The following CNTN6 variants were observed in gnomAD, a reference collection of about 807,000 sequenced individuals.
CNTN6 encodes contactin-6.
Under a neutral mutation model 122.8 loss-of-function variants are expected in CNTN6, and 137 were observed. The ratio of observed to expected loss-of-function variants is 1.12; its 90% CI spans 0.97 to 1.29. CNTN6 has a LOEUF of 1.29. Among genes scored for constraint, CNTN6 ranks in the 50% most tolerant of loss-of-function variants. The pLI is 0.00. For missense variants in CNTN6, 1,634 were observed against 1,223.4 expected, an observed-to-expected ratio of 1.34 and a Z score of -5.01; for synonymous variants, 570 against 426.0, an observed-to-expected ratio of 1.34 and a Z score of -4.16.
chr3:1,387,132 C>G (rs370363077), intron 20 of CNTN6, among the ~76,000 whole-genome samples: 1 of 151,176 alleles, frequency 6.6e-6, no homozygotes, highest in Admixed American at 6.6e-5. Flanking sequence ...GAAATTATCT[C>G]TGTCCTCACT....
chr3:1,271,870 T>G (rs1354459062), intron 4 of CNTN6, among the ~76,000 whole-genome samples: 1 of 152,120 alleles, frequency 6.6e-6, no homozygotes, highest in African/African-American at 2.4e-5. Flanking sequence ...AGAGCAGTGT[T>G]TTAGTGTGAA....
At chr3:1,162,458 G>A (rs2093158391) in intron 2 of CNTN6, among the ~76,000 whole-genome samples, 1 of 152,168 alleles carries the variant, frequency 6.6e-6, no homozygotes, top group Admixed American at 6.5e-5. Context: ...CAATCACAGA[G>A]GGAGAAGTGT....
At position 1,383,295 on chromosome 3, in the gene CNTN6, C is replaced by A. The variant is rs1356838398; in HGVS notation, c.2404C>A (p.Pro802Thr). 1.9e-6 allele frequency: 3 copies of A among 1,613,284 alleles called. No individual in the cohort carries two copies. The highest frequency in any genetic ancestry group is 2.2e-5 in the East Asian group (1 of 44,872). The change falls in exon 19 of 23, where the codon CCT becomes ACT. Residue 802 changes from proline (P) to threonine (T), a missense_variant and splice_region_variant. Physicochemically the swap from Pro to Thr is conservative, Grantham distance 38. Transcript: ENST00000446702. ...VTIVYSGEDE[P>T]QLAPRGTSLQ... ...TTATGTCTTTCTCTGGATGGTAGAA[C>A]CTCAACTGGCCCCAAGGGGAACTTC...
intron 5 of CNTN6, among the ~76,000 whole-genome samples, chr3:1,285,257 A>G (rs993651688): frequency 6.6e-6 from 1 of 152,216 alleles, no homozygotes; most frequent in Non-Finnish European, 1.5e-5. Flanking sequence ...AGAAGGAGAA[A>G]AGTAAAAGAT....
intron 19 of CNTN6, among the ~76,000 whole-genome samples, chr3:1,383,658 C>G (rs1020422828): frequency 2.7e-5 from 4 of 148,872 alleles, no homozygotes; most frequent in Non-Finnish European, 6.0e-5. Context: ...AAAACAAAAA[C>G]AAAAACAAAA....
intron 5 of CNTN6, among the ~76,000 whole-genome samples, chr3:1,290,992 T>G (rs1695226355): frequency 6.6e-6 from 1 of 152,172 alleles, no homozygotes; most frequent in African/African-American, 2.4e-5. Flanking sequence ...TACAGCCCAG[T>G]AGGTTTCAGC....
At chr3:1,166,345 T>G (rs893835071) in intron 2 of CNTN6, among the ~76,000 whole-genome samples, 2 of 151,828 alleles carry the variant, frequency 1.3e-5, no homozygotes, top group Non-Finnish European at 2.9e-5. Context: ...TACCCGGGAG[T>G]GCTGAGATCT....
intron 5 of CNTN6, among the ~76,000 whole-genome samples, chr3:1,282,496 C>G (rs1693641077): frequency 6.6e-6 from 1 of 152,188 alleles, no homozygotes; most frequent in African/African-American, 2.4e-5. Context: ...CTCTTTTAAT[C>G]CTATTCCCCA....
At chr3:1,330,158 C>A (rs1236256392) in intron 11 of CNTN6, among the ~76,000 whole-genome samples, 1 of 151,890 alleles carries the variant, frequency 6.6e-6, no homozygotes. Context: ...ATTTTCAGTG[C>A]ATGCACTTGT....
rs548765449 is a variant in CNTN6, at chr3:1,097,019, TTGAA to T, written c.-83+3904_-83+3907del. On this transcript the variant is annotated intron_variant, in intron 1 of 22. Transcript: ENST00000446702. The stretch of plus-strand genomic sequence containing the variant: ...CAATCTTTCAGTTTGGAGGAATTCT[TTGAA>T]TGAAAATTTTATTAGAATGTTGTTA... 1.2e-3 allele frequency among the ~76,000 whole-genome samples: 190 copies of T among 152,226 alleles called. 1 individual carries two copies. Among genetic ancestry groups the T allele is most frequent in the Non-Finnish European group, 6.8e-4 (46 of 68,038 alleles).
intron 7 of CNTN6, among the ~76,000 whole-genome samples, chr3:1,308,520 T>C (rs762830377): frequency 1.3e-5 from 2 of 152,102 alleles, no homozygotes; most frequent in Non-Finnish European, 2.9e-5. Context: ...CGCTCTCAGA[T>C]GACAGAGAAA....
chr3:1,296,375 C>T (rs1348845965), intron 6 of CNTN6, among the ~76,000 whole-genome samples: 1 of 152,120 alleles, frequency 6.6e-6, no homozygotes. Flanking sequence ...ATAATTCACA[C>T]TAGTCTCTGA....
chr3:1,274,285 C>A (rs1401441605), intron 4 of CNTN6, among the ~76,000 whole-genome samples: 8 of 152,026 alleles, frequency 5.3e-5, no homozygotes, highest in Non-Finnish European at 1.0e-4. Context: ...ATCAACAGCG[C>A]CAACATATGT....
chr3:1,329,174 CAG>C (rs762575889), intron 10 of CNTN6, among the ~76,000 whole-genome samples: 1 of 150,536 alleles, frequency 6.6e-6, no homozygotes, highest in Non-Finnish European at 1.5e-5. Context: ...TATAATAAAT[CAG>C]AAACACACAT....
chr3:1,128,329 C>G (rs2092234907), intron 1 of CNTN6: 1 of 151,886 alleles, frequency 6.6e-6, no homozygotes, highest in Non-Finnish European at 1.5e-5. Context: ...CATGTGAGGC[C>G]AAGAGGGAGT....
chr3:1,297,752 CTA>C (rs1186718067), intron 6 of CNTN6, 135 bp from the exon 7 acceptor site: 2 of 624,096 alleles, frequency 3.2e-6, no homozygotes, highest in Non-Finnish European at 5.5e-6. Context: ...ATTTTAGAAT[CTA>C]TATGTATCCA....
chr3:1,262,177 C>G (rs570328651), intron 4 of CNTN6, among the ~76,000 whole-genome samples: 3 of 152,180 alleles, frequency 2.0e-5, no homozygotes, highest in South Asian at 4.1e-4. Flanking sequence ...TTAAACATCT[C>G]AAAAATCCGA....
chr3:1,242,017 A>C (rs991243744), intron 4 of CNTN6, among the ~76,000 whole-genome samples: 2 of 152,124 alleles, frequency 1.3e-5, no homozygotes, highest in African/African-American at 4.8e-5. Flanking sequence ...GAAGGAAAGG[A>C]GTTGTTGTTT....
At chr3:1,098,158 T>A (rs1390037624) in intron 1 of CNTN6, among the ~76,000 whole-genome samples, 1 of 151,870 alleles carries the variant, frequency 6.6e-6, no homozygotes, top group Non-Finnish European at 1.5e-5. Context: ...GTGGGTGCAG[T>A]GCACCAGCAT....
Sources: gnomAD v4.1 joint callset for allele counts (sites outside exome capture counted in the v4.1 genomes callset) on GRCh38, gnomAD v4.1.1 for gene constraint, MANE v1.5 for transcripts, NCBI Gene and HGNC (gene_info 2026-07-23, HGNC 2026-07-21) for gene names.